ARHGEF10: variants seen among roughly 807,000 people sequenced by gnomAD.
ARHGEF10 encodes Rho guanine nucleotide exchange factor (GEF) 10.
Under a neutral mutation model 147.4 loss-of-function variants are expected in ARHGEF10, and 140 were observed. The ratio of observed to expected loss-of-function variants is 0.95; its 90% CI spans 0.83 to 1.09. The LOEUF (loss-of-function observed/expected upper bound fraction) is 1.09, where lower values mean the gene tolerates loss of function less well. Ranked by LOEUF, ARHGEF10 falls within the 50% of genes least tolerant of loss-of-function variation. The pLI is 0.00. For missense variants in ARHGEF10, 2,222 were observed against 1,752.7 expected (o/e 1.27, Z -4.78); for synonymous variants, 902 against 695.8 (o/e 1.30, Z -4.67).
At chr8:1,879,585 CTCTG>C (rs1808002754) in intron 8 of ARHGEF10, among the ~76,000 whole-genome samples, 1 of 150,340 alleles carries the variant, frequency 6.7e-6, no homozygotes, top group Admixed American at 6.6e-5. Flanking sequence ...CAGGGTCTTA[CTCTG>C]TCTGCCAGGC....
intron 7 of ARHGEF10, among the ~76,000 whole-genome samples, chr8:1,875,688 G>A (rs1223850510): frequency 1.3e-5 from 2 of 152,190 alleles, no homozygotes; most frequent in African/African-American, 4.8e-5. Flanking sequence ...AATATTACAA[G>A]GATAGGGTAA....
intron 11 of ARHGEF10, 122 bp downstream of exon 11, chr8:1,885,829 C>G: frequency 2.5e-6 from 2 of 800,120 alleles, no homozygotes; most frequent in Non-Finnish European, 4.2e-6. Flanking sequence ...CCACTCGGGC[C>G]CTCCACTGTA....
At chr8:1,923,229 A>T (rs1812433384) in intron 19 of ARHGEF10, 150 bp downstream of exon 19, 1 of 841,292 alleles carries the variant, frequency 1.2e-6, no homozygotes, top group Non-Finnish European at 1.9e-6. Flanking sequence ...ACGTTAGATA[A>T]GGTGAGACTA....
chr8:1,834,012 C>CG (rs1335331461), intron 1 of ARHGEF10, among the ~76,000 whole-genome samples: 1 of 152,162 alleles, frequency 6.6e-6, no homozygotes, highest in Non-Finnish European at 1.5e-5. Context: ...CCAGCCCTCC[C>CG]GGGGAAGGGT....
chr8:1,836,576 A>C (rs1010100658), intron 1 of ARHGEF10, among the ~76,000 whole-genome samples: 1 of 152,086 alleles, frequency 6.6e-6, no homozygotes, highest in Non-Finnish European at 1.5e-5. Flanking sequence ...GGTTCTAGGG[A>C]CACAGATACT....
chr8:1,871,094 T>A (rs747020963), intron 7 of ARHGEF10: 8 of 111,968 alleles, frequency 7.1e-5, no homozygotes, highest in Non-Finnish European at 1.2e-4. Context: ...GCCTGGGAAA[T>A]GAGTGAAAAC....
At chr8:1,868,167 GAA>G (rs1200502843) in intron 6 of ARHGEF10, among the ~76,000 whole-genome samples, 8 of 152,338 alleles carry the variant, frequency 5.3e-5, no homozygotes, top group Non-Finnish European at 1.0e-4. Flanking sequence ...GCTATTAAAA[GAA>G]AGAGCGTCTG....
In ARHGEF10 at chr8:1,843,502, A is replaced by C. The variant is rs138752940; in HGVS notation, c.37+66A>C. Reference sequence around the variant, plus strand: ...CTGCTGCTCTCATCAAGGACGGGGTACTTCTGGAACCACTGAATTGCTGGT... The same window carrying C: ...CTGCTGCTCTCATCAAGGACGGGGTCCTTCTGGAACCACTGAATTGCTGGT... On this transcript the variant is annotated intron_variant, in intron 2 of 28. Transcript: ENST00000349830. The C allele has an allele frequency of 1.5e-4, 189 of 1,230,608 alleles. 1 individual carries two copies. The African/African-American group carries it at 2.3e-3, about 15-fold the overall frequency. The allele number at this position is 1,230,608 out of a possible 1,614,324, so 76.2% of individuals were successfully genotyped here.
At position 1,853,617 on chromosome 8, in the gene ARHGEF10, G is replaced by T. The variant is rs913470567; in HGVS notation, c.38-4343G>T. ...GTGTTGTGGGAACCGACCCAGCCCA[G>T]CTTGCCTGGCTCCCGCCAGGGCCCT... On this transcript the variant is annotated intron_variant, in intron 2 of 28. Coordinates refer to ENST00000349830, the MANE Select transcript of ARHGEF10 (RefSeq NM_014629.4). Among the ~76,000 whole-genome samples, 12 of 152,372 alleles carry T rather than the reference G, an allele frequency of 7.9e-5. No homozygotes were observed. In the East Asian group the frequency reaches 1.9e-3, roughly 25 times the overall value.
intron 26 of ARHGEF10, among the ~76,000 whole-genome samples, chr8:1,940,083 T>C (rs1813961615): frequency 6.6e-6 from 1 of 151,980 alleles, no homozygotes; most frequent in Non-Finnish European, 1.5e-5. Flanking sequence ...ACTCCATGGG[T>C]TTGGTTTTTT....
At position 1,909,364 on chromosome 8, in the gene ARHGEF10, T is replaced by C. The variant is rs1341374327; in HGVS notation, c.2037T>C (p.His679=). 5.6e-6 allele frequency: 9 copies of C among 1,614,110 alleles called. No homozygotes were observed. Among genetic ancestry groups the C allele is most frequent in the Non-Finnish European group, 7.6e-6 (9 of 1,180,050 alleles). ...TGAAGTGGAGCGTTCCACTGGGACATGTGGACGCCATCGAGTATGGCAGCA... is the reference window on the plus strand; with the variant it reads ...TGAAGTGGAGCGTTCCACTGGGACACGTGGACGCCATCGAGTATGGCAGCA... The part of the protein sequence containing the change: ...YLLKWSVPLG[H]VDAIEYGSSA... Residue 679 remains histidine, a synonymous_variant, in exon 18 of 29, where the codon CAT becomes CAC. Transcript: ENST00000349830.
At position 1,905,504 on chromosome 8, in the gene ARHGEF10, TCTC is replaced by T. The variant is rs550000196; in HGVS notation, c.1822-63_1822-61del. 2,343 of 1,603,626 alleles carry T rather than the reference TCTC, an allele frequency of 1.5e-3. 13 individuals carry two copies. Among genetic ancestry groups the T allele is most frequent in the Middle Eastern group, 7.0e-3 (41 of 5,890 alleles). On this transcript the variant is annotated intron_variant, in intron 16 of 28. Coordinates refer to ENST00000349830, the MANE Select transcript of ARHGEF10 (RefSeq NM_014629.4). The stretch of plus-strand genomic sequence containing the variant: ...TCACCCTGAGACTCCATACCAGACT[TCTC>T]CTCATCTTTTTCTTTTCCGGGTAAA...
chr8:1,868,186 T>G (rs1335158641), intron 6 of ARHGEF10, among the ~76,000 whole-genome samples: 1 of 152,210 alleles, frequency 6.6e-6, no homozygotes, highest in Admixed American at 6.5e-5. Context: ...TCTGTAATAC[T>G]GGAGCTTGAC....
chr8:1,857,165 G>T (rs972898195), intron 2 of ARHGEF10, among the ~76,000 whole-genome samples: 1 of 152,136 alleles, frequency 6.6e-6, no homozygotes, highest in Non-Finnish European at 1.5e-5. Context: ...ATATATCGGT[G>T]TTCATATTTG....
chr8:1,869,738 A>T, intron 7 of ARHGEF10: 1 of 226,026 alleles, frequency 4.4e-6, no homozygotes, highest in Non-Finnish European at 8.9e-6. Context: ...GCCGCGGAGC[A>T]CCAGGCCCAG....
intron 4 of ARHGEF10, among the ~76,000 whole-genome samples, chr8:1,863,803 A>G (rs1490589979): frequency 1.3e-5 from 2 of 152,044 alleles, no homozygotes; most frequent in African/African-American, 4.8e-5. Context: ...AGAGCCACAG[A>G]CAGGCAGGGA....
At chr8:1,842,609 G>T (rs2129050787) in intron 1 of ARHGEF10, among the ~76,000 whole-genome samples, 1 of 152,318 alleles carries the variant, frequency 6.6e-6, no homozygotes, top group Non-Finnish European at 1.5e-5. Flanking sequence ...GCTAGAGCCT[G>T]GTCCCTGGCA....
Position 1,882,626 on chromosome 8 carries a change from C to G in ARHGEF10, c.961-9C>G. 3 of 1,550,688 alleles carry G rather than the reference C, an allele frequency of 1.9e-6. No homozygotes were observed. The highest frequency in any genetic ancestry group is 2.6e-6 in the Non-Finnish European group (3 of 1,146,142). On this transcript the variant is annotated splice_polypyrimidine_tract_variant and intron_variant, in intron 9 of 28. Coordinates refer to ENST00000349830, the MANE Select transcript of ARHGEF10 (RefSeq NM_014629.4). ...CCGTCCCGTTCTCACATCTCCCTCT[C>G]CGTCGCAGATGCAGAAGCTCGTGAA...
intron 1 of ARHGEF10, among the ~76,000 whole-genome samples, chr8:1,842,818 C>CA (rs1804197731): frequency 6.6e-6 from 1 of 152,222 alleles, no homozygotes; most frequent in Non-Finnish European, 1.5e-5. Context: ...AGACAAGAAT[C>CA]ACAACAGCAG....
Sources: gnomAD v4.1 joint callset for allele counts (sites outside exome capture counted in the v4.1 genomes callset) on GRCh38, gnomAD v4.1.1 for gene constraint, MANE v1.5 for transcripts, NCBI Gene and HGNC (gene_info 2026-07-23, HGNC 2026-07-21) for gene names.